Variants in ATM observed in about 807,000 individuals in gnomAD.
The protein encoded by ATM is ATM serine/threonine kinase.
A neutral mutation model predicts 387.0 loss-of-function variants in ATM; 308 were observed. The ratio of observed to expected loss-of-function variants is 0.80; its 90% CI spans 0.73 to 0.87. The LOEUF (loss-of-function observed/expected upper bound fraction) is 0.87, where lower values mean the gene tolerates loss of function less well. ATM is among the 40% of genes least tolerant of loss of function. ATM has a pLI of 0.00. For missense variants in ATM, 3,312 were observed against 3,560.9 expected (o/e 0.93, Z 1.78); for synonymous variants, 1,156 against 1,187.3 (o/e 0.97, Z 0.54).
chr11:108,328,703 T>G (rs964249973), intron 48 of ATM, among the ~76,000 whole-genome samples: 2 of 152,196 alleles, frequency 1.3e-5, no homozygotes, highest in Non-Finnish European at 2.9e-5. Flanking sequence ...TGGGCCACAT[T>G]GCAAGAAGAA....
At chr11:108,247,442 G>T (rs2079910196) in intron 8 of ATM, among the ~76,000 whole-genome samples, 1 of 152,132 alleles carries the variant, frequency 6.6e-6, no homozygotes, top group South Asian at 2.1e-4. Context: ...GGGATTACAG[G>T]CATGAGCCAC....
chr11:108,318,639 A>C (rs2084954461), intron 43 of ATM, among the ~76,000 whole-genome samples: 1 of 152,030 alleles, frequency 6.6e-6, no homozygotes, highest in Non-Finnish European at 1.5e-5. Flanking sequence ...CAGTGAGCCA[A>C]GATTGCACCA....
At chr11:108,249,679 A>G (rs1463184440) in intron 9 of ATM, among the ~76,000 whole-genome samples, 1 of 152,202 alleles carries the variant, frequency 6.6e-6, no homozygotes, top group Non-Finnish European at 1.5e-5. Flanking sequence ...CTGAAAAGAA[A>G]CTGAAACCCA....
In ATM at chr11:108,251,928, A is replaced by C; in HGVS notation, c.1699A>C (p.Asn567His). Residue 567 changes from asparagine to histidine, a missense_variant, in exon 11 of 63, where the codon AAT becomes CAT. By Grantham distance (68) the Asn-to-His change is moderately conservative (BLOSUM62 1). Transcript: ENST00000675843. ...MGIEQNMCEV[N>H]RSFSLKESIM... ...AATAGAGCAAAATATGTGTGAAGTAAATAGAAGCTTTTCTTTAAAGGAATC... is the reference window on the plus strand; with the variant it reads ...AATAGAGCAAAATATGTGTGAAGTACATAGAAGCTTTTCTTTAAAGGAATC... The C allele has an allele frequency of 6.2e-7, 1 of 1,613,938 alleles. No individual in the cohort carries two copies. Among genetic ancestry groups the C allele is most frequent in the Non-Finnish European group, 8.5e-7 (1 of 1,179,826 alleles).
chr11:108,260,869 AAG>A (rs1267401308), intron 16 of ATM, among the ~76,000 whole-genome samples: 2 of 152,182 alleles, frequency 1.3e-5, no homozygotes, highest in African/African-American at 4.8e-5. Context: ...GAGTCAAAGA[AAG>A]GGGGGACGGA....
chr11:108,283,301 C>T (rs986920004), intron 25 of ATM, among the ~76,000 whole-genome samples: 2 of 152,162 alleles, frequency 1.3e-5, no homozygotes, highest in African/African-American at 4.8e-5. Context: ...CTATAGGCCT[C>T]TTAGTTATTA....
At chr11:108,357,686 C>A (rs1203777809) in intron 61 of ATM, among the ~76,000 whole-genome samples, 1 of 152,196 alleles carries the variant, frequency 6.6e-6, no homozygotes, top group Non-Finnish European at 1.5e-5. Context: ...CAGGGGCACA[C>A]TGACACCTCA....
At position 108,326,347 on chromosome 11, in the gene ATM, A is replaced by C. The variant is rs925015470; in HGVS notation, c.6975+122A>C. The C allele has an allele frequency of 5.8e-5, 77 of 1,320,322 alleles. No homozygotes were observed. The African/African-American group carries it at 1.1e-3, about 19-fold the overall frequency. The allele number at this position is 1,320,322 out of a possible 1,614,324, so 81.8% of individuals were successfully genotyped here. A position where few individuals can be genotyped will look rare whatever the true frequency, so the allele number is the denominator to read the frequency against. On this transcript the variant is annotated intron_variant, in intron 47 of 62. Coordinates refer to ENST00000675843, the MANE Select transcript of ATM (RefSeq NM_000051.4). ...TTGAAATTAGTAATTTATTAACAAGATATTGTAAAACTAGTCTTGAAAATT... is the reference window on the plus strand; with the variant it reads ...TTGAAATTAGTAATTTATTAACAAGCTATTGTAAAACTAGTCTTGAAAATT...
At chr11:108,347,227 T>C (rs2088528495) in intron 58 of ATM, 52 bp from the exon 59 acceptor site, 1 of 1,336,112 alleles carries the variant, frequency 7.5e-7, no homozygotes, top group Admixed American at 1.7e-5. Context: ...GGCTATATAT[T>C]AGAAAGAGAT....
intron 22 of ATM, among the ~76,000 whole-genome samples, chr11:108,273,946 G>A (rs1426159141): frequency 6.6e-6 from 1 of 152,188 alleles, no homozygotes; most frequent in African/African-American, 2.4e-5. Flanking sequence ...CAGAAGGAAT[G>A]GTACCAGCTC....
Position 108,297,601 on chromosome 11 carries a change from A to G in ATM, c.5005+219A>G, listed in dbSNP as rs187666004. Among the ~76,000 whole-genome samples, 17 of 152,342 alleles carry G rather than the reference A, an allele frequency of 1.1e-4. No homozygotes were observed. In the East Asian group the frequency reaches 1.2e-3, roughly 10 times the overall value. On this transcript the variant is annotated intron_variant, in intron 33 of 62. Transcript: ENST00000675843. ...GTTCACGCAATGACAGAATTGCCCAATGACACATTTCTCAGAACATATCTG... is the reference window on the plus strand; with the variant it reads ...GTTCACGCAATGACAGAATTGCCCAGTGACACATTTCTCAGAACATATCTG...
chr11:108,283,922 A>G (rs2082354804), intron 25 of ATM, among the ~76,000 whole-genome samples: 1 of 152,176 alleles, frequency 6.6e-6, no homozygotes, highest in African/African-American at 2.4e-5. Context: ...TATAAATTCA[A>G]GTCTCCATTT....
intron 11 of ATM, 98 bp downstream of exon 11, chr11:108,252,129 A>G (rs2080188195): frequency 5.5e-6 from 6 of 1,089,488 alleles, no homozygotes; most frequent in Non-Finnish European, 8.0e-6. Context: ...TATAATAATA[A>G]TGCAGAATTT....
chr11:108,290,910 A>G (rs1320625073), intron 29 of ATM, among the ~76,000 whole-genome samples: 2 of 151,824 alleles, frequency 1.3e-5, no homozygotes, highest in Admixed American at 1.3e-4. Context: ...TATTCTAGCT[A>G]TTGATGGCCT....
At chr11:108,283,648 A>G (rs1299223500) in intron 25 of ATM, among the ~76,000 whole-genome samples, 2 of 152,206 alleles carry the variant, frequency 1.3e-5, no homozygotes, top group African/African-American at 2.4e-5. Flanking sequence ...GGCAAGAACA[A>G]TATAGCTATA....
chr11:108,235,559 A>T lies in ATM; in HGVS notation c.332-111A>T, dbSNP rs56253518. 65 of 1,034,686 alleles carry T rather than the reference A, an allele frequency of 6.3e-5. No individual in the cohort carries two copies. In the East Asian group the frequency reaches 9.5e-4, roughly 15 times the overall value. The allele number at this position is 1,034,686 out of a possible 1,614,324, so 64.1% of individuals were successfully genotyped here. Reference sequence around the variant, plus strand: ...TTTGCCAATTTCTTCTCTACAAAAGAAGTTTAGTTAATAGTAATTTCCCAA... The same window carrying T: ...TTTGCCAATTTCTTCTCTACAAAAGTAGTTTAGTTAATAGTAATTTCCCAA... On this transcript the variant is annotated intron_variant, in intron 4 of 62. Transcript: ENST00000675843.
At chr11:108,347,487 G>T (rs1019389051) in intron 59 of ATM, 122 bp downstream of exon 59, 20 of 820,002 alleles carry the variant, frequency 2.4e-5, no homozygotes, top group African/African-American at 1.0e-4. Context: ...TAAATATTGG[G>T]TTTTTTTGTT....
Position 108,331,967 on chromosome 11 carries a change from C to G in ATM, c.7718C>G (p.Thr2573Ser), listed in dbSNP as rs1565534068. The change falls in exon 52 of 63, where the codon ACT becomes AGT. Residue 2573 changes from threonine (T) to serine (S), a missense_variant. Around this residue, in one of 4 missense-constraint regions of ATM, gnomAD observed 1,405 missense variants for 1,604.4 expected, o/e 0.88. Coordinates refer to ENST00000675843, the MANE Select transcript of ATM (RefSeq NM_000051.4). ...LANANRDEFL[T>S]KPEVARRSRI... ...AATGCAAACAGAGATGAATTTCTGA[C>G]TAAACCAGAGGTAGCCAGAAGAAGC... The G allele has an allele frequency of 6.2e-7, 1 of 1,614,036 alleles. No homozygotes were observed. Among genetic ancestry groups the G allele is most frequent in the Admixed American group, 1.7e-5 (1 of 60,014 alleles).
Position 108,250,966 on chromosome 11 carries a change from C to A in ATM, c.1501C>A (p.Gln501Lys), listed in dbSNP as rs1281817400. 6.2e-7 allele frequency: 1 copy of A among 1,614,082 alleles called. No individual in the cohort carries two copies. Among genetic ancestry groups the A allele is most frequent in the Middle Eastern group, 1.6e-4 (1 of 6,062 alleles). The change falls in exon 10 of 63, where the codon CAA becomes AAA. Residue 501 changes from glutamine to lysine, a missense_variant. Physicochemically the swap from Gln to Lys is moderately conservative, Grantham distance 53. Coordinates refer to ENST00000675843, the MANE Select transcript of ATM (RefSeq NM_000051.4). ...TFRGISSEQI[Q>K]AENFGLLGAI... ...TCGTGGTATAAGTTCTGAGCAAATA[C>A]AAGCTGAAAACTTTGGCTTACTTGG...
Sources: allele counts gnomAD v4.1 joint callset (sites outside exome capture counted in the v4.1 genomes callset), GRCh38; gene constraint gnomAD v4.1.1; regional missense constraint gnomAD v4.1.1; transcripts MANE v1.5; gene names NCBI Gene and HGNC (gene_info 2026-07-23, HGNC 2026-07-21).